CRIM1: variants seen among roughly 807,000 people sequenced by gnomAD.
CRIM1 encodes the protein cysteine-rich motor neuron 1 protein.
Under a neutral mutation model 116.4 loss-of-function variants are expected in CRIM1, and 32 were observed. The observed-to-expected ratio is 0.27, with a 90% CI of 0.21 to 0.37. CRIM1 has a LOEUF of 0.37. CRIM1 is among the 10% of genes least tolerant of loss of function. CRIM1 has a pLI of 1.00. For missense variants in CRIM1, 1,331 were observed against 1,354.8 expected (o/e 0.98, Z 0.28); for synonymous variants, 590 against 509.2 (o/e 1.16, Z -2.13).
intron 1 of CRIM1, among the ~76,000 whole-genome samples, chr2:36,369,771 A>G (rs905193341): frequency 1.3e-5 from 2 of 152,214 alleles, no homozygotes; most frequent in Non-Finnish European, 2.9e-5. Flanking sequence ...AGGGTAGTGA[A>G]CTATTTCTGT....
chr2:36,381,487 A>C (rs890712764), intron 1 of CRIM1, among the ~76,000 whole-genome samples: 1 of 152,190 alleles, frequency 6.6e-6, no homozygotes, highest in African/African-American at 2.4e-5. Flanking sequence ...AAGGAGGAGG[A>C]GCAGGCCAGA....
Position 36,522,305 on chromosome 2 carries a change from A to G in CRIM1, c.2420A>G (p.Tyr807Cys), listed in dbSNP as rs748872848. ...TTGAGAAAAGGCCAGTGTTGTCCCTACTGCATAGGTAAGACCAAGGAAAAA... is the reference window on the plus strand; with the variant it reads ...TTGAGAAAAGGCCAGTGTTGTCCCTGCTGCATAGGTAAGACCAAGGAAAAA... ...PVLRKGQCCP[Y>C]CIEDTIPKKV... is the part of the protein sequence containing the mutation. The change falls in exon 13 of 17, where the codon TAC becomes TGC. Residue 807 changes from tyrosine (Y) to cysteine (C), a missense_variant. This residue lies in a region of CRIM1 where 358 missense variants were observed against 436.1 expected (regional missense o/e 0.82). Transcript: ENST00000280527. 3 of 1,612,622 alleles carry G rather than the reference A, an allele frequency of 1.9e-6. No individual in the cohort carries two copies. The African/African-American group carries it at 4.0e-5, about 22-fold the overall frequency.
At chr2:36,421,938 A>G (rs573961688) in intron 2 of CRIM1, among the ~76,000 whole-genome samples, 7 of 152,246 alleles carry the variant, frequency 4.6e-5, no homozygotes, top group South Asian at 2.1e-4. Context: ...CAAAAGGCAT[A>G]TGGAGTCATA....
chr2:36,522,817 AAG>A (rs1324459663), intron 13 of CRIM1, among the ~76,000 whole-genome samples: 3,745 of 140,724 alleles, frequency 0.027, 58 homozygotes, highest in African/African-American at 0.049. Flanking sequence ...AAAAAAAAAG[AAG>A]AAGAAGAAGA....
chr2:36,473,517 C>A (rs933483149), intron 5 of CRIM1, among the ~76,000 whole-genome samples: 4 of 152,138 alleles, frequency 2.6e-5, no homozygotes, highest in Non-Finnish European at 5.9e-5. Flanking sequence ...AGTCACTGCC[C>A]ATTTTCCCCC....
chr2:36,380,993 G>A (rs560839998), intron 1 of CRIM1, among the ~76,000 whole-genome samples: 1 of 152,332 alleles, frequency 6.6e-6, no homozygotes, highest in African/African-American at 2.4e-5. Flanking sequence ...GAACTCCTGG[G>A]GCCCCCCCGC....
intron 1 of CRIM1, among the ~76,000 whole-genome samples, chr2:36,386,303 ATTAT>A (rs978098023): frequency 2.0e-5 from 3 of 152,182 alleles, no homozygotes; most frequent in East Asian, 1.9e-4. Context: ...TATTTAAGTT[ATTAT>A]TTATTTATCT....
intron 5 of CRIM1, among the ~76,000 whole-genome samples, chr2:36,472,168 T>C (rs1373998764): frequency 6.6e-6 from 1 of 152,176 alleles, no homozygotes; most frequent in Non-Finnish European, 1.5e-5. Context: ...GAAGTACAAA[T>C]TACACAGTAA....
rs193233319 is a variant in CRIM1 at position 36,464,426 on chromosome 2, G to A, written c.870-108G>A. On this transcript the variant is annotated intron_variant, in intron 4 of 16. Transcript: ENST00000280527. ...GACACCAGATAAAGGAGGCAGTGTC[G>A]TATAGACCAGGTACTTTGCCACAGC... is the stretch of plus-strand genomic sequence containing the variant. 4.6e-5 allele frequency: 52 copies of A among 1,138,714 alleles called. 1 individual carries two copies. The Admixed American group carries it at 7.3e-4, about 16-fold the overall frequency. 70.5% of individuals were successfully genotyped at this position (1,138,714 alleles called of 1,614,324 possible). A position where few individuals can be genotyped will look rare whatever the true frequency, so the allele number is the denominator to read the frequency against.
chr2:36,474,317 A>G (rs1678786344), intron 5 of CRIM1, among the ~76,000 whole-genome samples: 1 of 152,100 alleles, frequency 6.6e-6, no homozygotes, highest in South Asian at 2.1e-4. Flanking sequence ...AAGTCCCAAA[A>G]TTGATGAAGT....
intron 1 of CRIM1, among the ~76,000 whole-genome samples, chr2:36,387,987 G>T (rs1671298243): frequency 6.8e-6 from 1 of 146,698 alleles, no homozygotes; most frequent in Non-Finnish European, 1.5e-5. Flanking sequence ...CTTATGCCCT[G>T]TGAAATTTCC....
chr2:36,427,384 TA>T (rs1674537044), intron 2 of CRIM1, among the ~76,000 whole-genome samples: 2 of 152,042 alleles, frequency 1.3e-5, no homozygotes, highest in African/African-American at 4.8e-5. Context: ...GATGTTCAGG[TA>T]ATTAACTTCC....
At chr2:36,387,218 G>A (rs1262188341) in intron 1 of CRIM1, among the ~76,000 whole-genome samples, 1 of 152,204 alleles carries the variant, frequency 6.6e-6, no homozygotes, top group Non-Finnish European at 1.5e-5. Context: ...AGGTATGTAA[G>A]AGACAGCTAA....
chr2:36,394,349 C>A (rs895972383), intron 1 of CRIM1, among the ~76,000 whole-genome samples: 1 of 152,064 alleles, frequency 6.6e-6, no homozygotes. Flanking sequence ...GCAAATCTGA[C>A]TGAACTGTAG....
At chr2:36,489,998 G>C (rs568724261) in intron 7 of CRIM1, among the ~76,000 whole-genome samples, 9 of 152,286 alleles carry the variant, frequency 5.9e-5, no homozygotes, top group African/African-American at 1.9e-4. Flanking sequence ...AAGCTTACCA[G>C]ACCATATGAA....
At chr2:36,543,211 G>C (rs1667070572) in intron 14 of CRIM1, among the ~76,000 whole-genome samples, 1 of 152,084 alleles carries the variant, frequency 6.6e-6, no homozygotes, top group Non-Finnish European at 1.5e-5. Flanking sequence ...GCATGATTTT[G>C]AGCGATTTAA....
chr2:36,448,598 G>GT (rs1286218375), intron 4 of CRIM1, among the ~76,000 whole-genome samples: 1 of 150,868 alleles, frequency 6.6e-6, no homozygotes, highest in Non-Finnish European at 1.5e-5. Context: ...TAAGTCACGA[G>GT]TTTTTTAAAT....
At position 36,469,975 on chromosome 2, in the gene CRIM1, T is replaced by C. The variant is rs916967217; in HGVS notation, c.991+5320T>C. On this transcript the variant is annotated intron_variant, in intron 5 of 16. Coordinates refer to ENST00000280527, the MANE Select transcript of CRIM1 (RefSeq NM_016441.3). ...CTCTTCTCCCTGTGGAATAAGCCAA[T>C]TGAAACTAGCAAACATATTTTTAGT... Among the ~76,000 whole-genome samples, 3 of 152,192 alleles carry C rather than the reference T, an allele frequency of 2.0e-5. No homozygotes were observed. In the South Asian group the frequency reaches 6.2e-4, roughly 31 times the overall value.
rs565003825 is a variant in CRIM1, at chr2:36,499,273, C to T, written c.1427C>T (p.Thr476Ile). 6.2e-7 allele frequency: 1 copy of T among 1,613,506 alleles called. No individual in the cohort carries two copies. Among genetic ancestry groups the T allele is most frequent in the East Asian group, 2.2e-5 (1 of 44,868 alleles). ...PPACGELSNC[T>I]LTGKDCINGF... ...GCATGTGGGGAGTTATCAAACTGCACTCTGACAGGGAAGGACTGCATTAAT... is the reference window on the plus strand; with the variant it reads ...GCATGTGGGGAGTTATCAAACTGCATTCTGACAGGGAAGGACTGCATTAAT... Residue 476 changes from threonine (T) to isoleucine (I), a missense_variant, in exon 8 of 17, where the codon ACT (threonine) becomes ATT (isoleucine). Thr to Ile is a moderately conservative substitution (Grantham distance 89). This residue lies in a region of CRIM1 where 690 missense variants were observed against 676.0 expected (regional missense o/e 1.02). Transcript: ENST00000280527.
Sources: gnomAD v4.1 joint callset for allele counts (sites outside exome capture counted in the v4.1 genomes callset) on GRCh38, gnomAD v4.1.1 for gene constraint, gnomAD v4.1.1 regional missense constraint, MANE v1.5 for transcripts, NCBI Gene and HGNC (gene_info 2026-07-23, HGNC 2026-07-21) for gene names.